Variants in HTR1F observed in about 807,000 individuals in gnomAD.
HTR1F encodes the protein 5-hydroxytryptamine receptor 1F.
HTR1F carries 17 observed loss-of-function variants against 24.0 expected under a neutral mutation model. That is an observed-to-expected ratio of 0.71 (90% confidence interval 0.48 to 1.06). HTR1F has a LOEUF of 1.06. HTR1F is among the 50% of genes least tolerant of loss of function. The pLI, the probability that HTR1F is intolerant of heterozygous loss-of-function variation, is 0.00. For synonymous variants in HTR1F, 186 were observed against 156.8 expected (o/e 1.19, Z -1.39); for missense variants, 391 against 427.8 (o/e 0.91, Z 0.76).
At chr3:87,944,218 G>T (rs1216793954) in intron 2 of HTR1F, among the ~76,000 whole-genome samples, 1 of 152,148 alleles carries the variant, frequency 6.6e-6, no homozygotes, top group African/African-American at 2.4e-5. Context: ...GAGCTGGACT[G>T]GGTTCCAGAG....
At chr3:87,924,012 T>C (rs1704070102) in intron 2 of HTR1F, among the ~76,000 whole-genome samples, 1 of 152,156 alleles carries the variant, frequency 6.6e-6, no homozygotes. Context: ...CCTTGTAGAA[T>C]CAGTTTGGAA....
At chr3:87,952,379 C>T (rs1361054459) in intron 2 of HTR1F, among the ~76,000 whole-genome samples, 1 of 151,972 alleles carries the variant, frequency 6.6e-6, no homozygotes, top group African/African-American at 2.4e-5. Context: ...ATTGCAGAAT[C>T]TCATTAATAC....
At chr3:87,987,712 ATATGTATTTTATATATG>A (rs1338204245) in intron 2 of HTR1F, among the ~76,000 whole-genome samples, 5 of 113,144 alleles carry the variant, frequency 4.4e-5, no homozygotes, top group African/African-American at 1.4e-4. Flanking sequence ...TGTATTATAT[ATATGTATTTTATATATG>A]TATTTTATAT....
At chr3:87,802,033 T>TTCCCTCCCTCCCTCC (rs1703997877) in intron 1 of HTR1F, among the ~76,000 whole-genome samples, 1 of 141,958 alleles carries the variant, frequency 7.0e-6, no homozygotes, top group African/African-American at 2.8e-5. Context: ...CCCTCCCTTC[T>TTCCCTCCCTCCCTCC]TCCCTCCCTC....
chr3:87,970,104 G>A (rs1164682158), intron 2 of HTR1F, among the ~76,000 whole-genome samples: 1 of 152,186 alleles, frequency 6.6e-6, no homozygotes. Context: ...TTTATCAGCA[G>A]TGTGAGAACA....
At chr3:87,947,852 A>G (rs1704745607) in intron 2 of HTR1F, among the ~76,000 whole-genome samples, 1 of 152,172 alleles carries the variant, frequency 6.6e-6, no homozygotes, top group African/African-American at 2.4e-5. Flanking sequence ...ATGAAATGCT[A>G]ATATATCTTT....
chr3:87,832,333 TTTC>T (rs1704598139), intron 2 of HTR1F, among the ~76,000 whole-genome samples: 1 of 147,556 alleles, frequency 6.8e-6, no homozygotes, highest in African/African-American at 2.5e-5. Flanking sequence ...TTTTTTTTTT[TTTC>T]TTTTTTTTTG....
intron 2 of HTR1F, among the ~76,000 whole-genome samples, chr3:87,873,127 C>CAGAG (rs762762430): frequency 6.9e-6 from 1 of 144,120 alleles, no homozygotes; most frequent in African/African-American, 2.7e-5. Context: ...CACACACACA[C>CAGAG]ACACACAGAG....
intron 2 of HTR1F, among the ~76,000 whole-genome samples, chr3:87,891,600 A>G (rs1357925124): frequency 1.3e-5 from 2 of 152,156 alleles, no homozygotes; most frequent in Non-Finnish European, 2.9e-5. Flanking sequence ...AGTATCCCCT[A>G]ACTCACCTCA....
At chr3:87,844,291 T>A (rs1704884373) in intron 2 of HTR1F, among the ~76,000 whole-genome samples, 1 of 150,746 alleles carries the variant, frequency 6.6e-6, no homozygotes, top group Admixed American at 6.6e-5. Context: ...ATGGTGAGCA[T>A]TTTTTCATGT....
chr3:87,872,948 G>T lies in HTR1F; in HGVS notation c.-43+50824G>T, dbSNP rs138478013. On this transcript the variant is annotated intron_variant, in intron 2 of 2. Coordinates refer to ENST00000319595, the MANE Select transcript of HTR1F (RefSeq NM_001322209.2). The stretch of plus-strand genomic sequence containing the variant: ...TTTGAAACTTATTTTATGAGGCAAG[G>T]AATATGCTGATACAAAAGCCACACA... Among the ~76,000 whole-genome samples, 395 of 152,020 alleles carry T rather than the reference G, an allele frequency of 2.6e-3. 5 individuals are homozygous for T. The highest frequency in any genetic ancestry group is 9.0e-3 in the African/African-American group (374 of 41,478).
At chr3:87,947,947 C>T (rs1252551622) in intron 2 of HTR1F, among the ~76,000 whole-genome samples, 1 of 151,778 alleles carries the variant, frequency 6.6e-6, no homozygotes, top group Non-Finnish European at 1.5e-5. Context: ...GTTTGTGAGG[C>T]TGAAATTTTC....
chr3:87,916,182 C>T lies in HTR1F; in HGVS notation c.-42-74526C>T, dbSNP rs145999652. Among the ~76,000 whole-genome samples the T allele has an allele frequency of 2.6e-4, 39 of 151,912 alleles. No individual in the cohort carries two copies. In the East Asian group the frequency reaches 6.2e-3, roughly 24 times the overall value. On this transcript the variant is annotated intron_variant, in intron 2 of 2. Coordinates refer to ENST00000319595, the MANE Select transcript of HTR1F (RefSeq NM_001322209.2). ...AGAATTCGCCATTACCAAGCCACCACTACAAGAACTGCTAAAGGGGGCTCT... is the reference window on the plus strand; with the variant it reads ...AGAATTCGCCATTACCAAGCCACCATTACAAGAACTGCTAAAGGGGGCTCT...
intron 2 of HTR1F, among the ~76,000 whole-genome samples, chr3:87,972,964 A>G (rs1576107012): frequency 6.6e-6 from 1 of 150,818 alleles, no homozygotes; most frequent in South Asian, 2.1e-4. Context: ...TGAGGTTAGG[A>G]GTTCAAGACC....
chr3:87,954,401 T>C (rs1454085874), intron 2 of HTR1F, among the ~76,000 whole-genome samples: 1 of 151,780 alleles, frequency 6.6e-6, no homozygotes, highest in Admixed American at 6.6e-5. Context: ...ATAATATTAG[T>C]AGCCACTGCT....
chr3:87,913,466 G>C (rs1703824772), intron 2 of HTR1F, among the ~76,000 whole-genome samples: 1 of 152,074 alleles, frequency 6.6e-6, no homozygotes, highest in African/African-American at 2.4e-5. Context: ...AGAGAAAAAG[G>C]AGCACTTATA....
At chr3:87,815,328 G>T (rs1412907791) in intron 1 of HTR1F, among the ~76,000 whole-genome samples, 1 of 152,000 alleles carries the variant, frequency 6.6e-6, no homozygotes, top group East Asian at 1.9e-4. Context: ...AAGTAGAAAA[G>T]ATTAATGTTT....
At chr3:87,808,457 G>T (rs999004691) in intron 1 of HTR1F, among the ~76,000 whole-genome samples, 1 of 151,314 alleles carries the variant, frequency 6.6e-6, no homozygotes, top group Non-Finnish European at 1.5e-5. Flanking sequence ...GATATCAGTT[G>T]TAATGTCTTT....
chr3:87,979,008 A>G (rs1250126370), intron 2 of HTR1F, among the ~76,000 whole-genome samples: 66 of 57,280 alleles, frequency 1.2e-3, no homozygotes, highest in Non-Finnish European at 2.1e-3. Flanking sequence ...GAGGGGAAGG[A>G]AGGGAGGGAA....
Sources: gnomAD v4.1 joint callset for allele counts (sites outside exome capture counted in the v4.1 genomes callset) on GRCh38, gnomAD v4.1.1 for gene constraint, MANE v1.5 for transcripts, NCBI Gene and HGNC (gene_info 2026-07-23, HGNC 2026-07-21) for gene names.